Variants in SNX29 observed in about 807,000 individuals in gnomAD.
SNX29 encodes the protein sorting nexin 29, also known as sorting nexin-29.
Under a neutral mutation model 102.1 loss-of-function variants are expected in SNX29, and 78 were observed. That is an observed-to-expected ratio of 0.76 (90% CI 0.64 to 0.92). The LOEUF (loss-of-function observed/expected upper bound fraction) is 0.92, where lower values mean the gene tolerates loss of function less well. SNX29 is among the 40% of genes least tolerant of loss of function. The pLI is 0.00. For missense variants in SNX29, 1,280 were observed against 1,061.7 expected, an observed-to-expected ratio of 1.21 and a Z score of -2.86; for synonymous variants, 580 against 414.5, an observed-to-expected ratio of 1.40 and a Z score of -4.85.
intron 13 of SNX29, among the ~76,000 whole-genome samples, chr16:12,179,875 C>G (rs989916288): frequency 1.7e-5 from 2 of 118,082 alleles, no homozygotes; most frequent in African/African-American, 5.8e-5. Flanking sequence ...TCAAAGTCTT[C>G]TCCTTAGAAG....
intron 18 of SNX29, among the ~76,000 whole-genome samples, chr16:12,462,000 T>C (rs2086813566): frequency 2.9e-5 from 2 of 67,856 alleles, no homozygotes; most frequent in South Asian, 1.2e-3. Context: ...TATATATATA[T>C]ATATATATAT....
intron 13 of SNX29, among the ~76,000 whole-genome samples, chr16:12,130,832 C>CCT (rs2054433691): frequency 6.6e-6 from 1 of 151,648 alleles, no homozygotes; most frequent in African/African-American, 2.4e-5. Flanking sequence ...GTGGGGCTGC[C>CCT]CTCTGCTTTT....
At chr16:12,409,987 G>GT (rs2084330826) in intron 18 of SNX29, among the ~76,000 whole-genome samples, 1 of 151,664 alleles carries the variant, frequency 6.6e-6, no homozygotes, top group Admixed American at 6.6e-5. Context: ...CGTTTTTTTT[G>GT]TTGTTGTTTT....
At chr16:12,289,906 C>T (rs1022027838) in intron 15 of SNX29, among the ~76,000 whole-genome samples, 6 of 152,066 alleles carry the variant, frequency 3.9e-5, no homozygotes, top group Admixed American at 6.5e-5. Flanking sequence ...AGTATACACC[C>T]GGCGAAGGGG....
At chr16:11,989,794 A>T (rs1045610915) in intron 1 of SNX29, among the ~76,000 whole-genome samples, 1 of 152,220 alleles carries the variant, frequency 6.6e-6, no homozygotes, top group East Asian at 1.9e-4. Context: ...CTGCAGGGCC[A>T]TGGGAGCACT....
At chr16:12,388,850 G>A (rs971385845) in intron 16 of SNX29, among the ~76,000 whole-genome samples, 4 of 152,140 alleles carry the variant, frequency 2.6e-5, no homozygotes, top group African/African-American at 9.7e-5. Context: ...TGTTGGTAAG[G>A]GATATTCTAT....
At chr16:12,518,056 C>T (rs980990772) in intron 19 of SNX29, among the ~76,000 whole-genome samples, 12 of 152,146 alleles carry the variant, frequency 7.9e-5, no homozygotes, top group African/African-American at 1.4e-4. Context: ...GCTGCGGCCA[C>T]GCGGCAAGGT....
rs938968459 is a variant in SNX29, at chr16:12,570,336, T to G, written c.*1707T>G. ...TCCTGTAAAGGCAACTTGGTCTCCC[T>G]CCCACTCACCTGCCAACATTGCTGC... On this transcript the variant is annotated 3_prime_UTR_variant, in exon 21 of 21. Coordinates refer to ENST00000566228, the MANE Select transcript of SNX29 (RefSeq NM_032167.5). 2.6e-6 allele frequency: 2 copies of G among 772,234 alleles called. No individual in the cohort carries two copies. Among genetic ancestry groups the G allele is most frequent in the East Asian group, 1.1e-4 (2 of 18,798 alleles). The allele number at this position is 772,234 out of a possible 1,614,324, so 47.8% of individuals were successfully genotyped here. A position where few individuals can be genotyped will look rare whatever the true frequency, so the allele number is the denominator to read the frequency against.
chr16:12,041,746 CAG>C (rs2049888171), intron 4 of SNX29, among the ~76,000 whole-genome samples: 1 of 152,194 alleles, frequency 6.6e-6, no homozygotes, highest in Non-Finnish European at 1.5e-5. Flanking sequence ...GTCAGCCTCG[CAG>C]GGATTATGCA....
At chr16:12,285,376 G>A (rs2079561729) in intron 15 of SNX29, among the ~76,000 whole-genome samples, 1 of 152,176 alleles carries the variant, frequency 6.6e-6, no homozygotes, top group Non-Finnish European at 1.5e-5. Flanking sequence ...GGCTCAGCTA[G>A]CTGATGATTG....
intron 16 of SNX29, among the ~76,000 whole-genome samples, chr16:12,396,011 C>G (rs937198696): frequency 2.0e-5 from 3 of 152,172 alleles, no homozygotes; most frequent in South Asian, 4.1e-4. Context: ...TTCGAAGCAG[C>G]CTCCCTGGTA....
intron 1 of SNX29, among the ~76,000 whole-genome samples, chr16:11,982,690 A>G (rs375209227): frequency 6.6e-6 from 1 of 152,034 alleles, no homozygotes; most frequent in Non-Finnish European, 1.5e-5. Context: ...CGGCCTCCCA[A>G]AGTGCTGGGA....
intron 19 of SNX29, among the ~76,000 whole-genome samples, chr16:12,513,395 C>T (rs998734470): frequency 1.3e-4 from 19 of 151,886 alleles, no homozygotes; most frequent in African/African-American, 4.1e-4. Flanking sequence ...TCTCCCTTCC[C>T]CTCCCCTCTA....
intron 18 of SNX29, among the ~76,000 whole-genome samples, chr16:12,418,201 A>T (rs1051525711): frequency 2.0e-5 from 3 of 152,162 alleles, no homozygotes; most frequent in African/African-American, 7.2e-5. Context: ...TTGGCTGGTG[A>T]TATTTCATAT....
rs528424617 is a variant in SNX29 at position 12,098,199 on chromosome 16, C to T, written c.1402+19284C>T. 1.3e-5 allele frequency among the ~76,000 whole-genome samples: 2 copies of T among 152,302 alleles called. No homozygotes were observed. The highest frequency in any genetic ancestry group is 2.1e-4 in the South Asian group (1 of 4,828). Reference sequence around the variant, plus strand: ...CCCCCTCCTTCAACTCCTTTTCCTCCTCCTCTTCTCCCTCCTGCCCTAGAC... The same window carrying T: ...CCCCCTCCTTCAACTCCTTTTCCTCTTCCTCTTCTCCCTCCTGCCCTAGAC... On this transcript the variant is annotated intron_variant, in intron 11 of 20. Coordinates refer to ENST00000566228, the MANE Select transcript of SNX29 (RefSeq NM_032167.5). The surrounding 1 kb of genome is among the most constrained non-coding windows in gnomAD (Gnocchi z 6.0).
At chr16:12,543,941 A>C (rs560609812) in intron 20 of SNX29, among the ~76,000 whole-genome samples, 1 of 152,302 alleles carries the variant, frequency 6.6e-6, no homozygotes, top group East Asian at 1.9e-4. Context: ...CTCTCGTTCT[A>C]AGCGAGGAGC....
intron 14 of SNX29, among the ~76,000 whole-genome samples, chr16:12,264,517 C>T (rs979254092): frequency 6.6e-6 from 1 of 152,218 alleles, no homozygotes; most frequent in Non-Finnish European, 1.5e-5. Context: ...TGCTGTGGCT[C>T]ACGTTTGTAA....
At chr16:12,069,026 A>T in intron 9 of SNX29, 31 bp from the exon 10 acceptor site, 1 of 1,604,454 alleles carries the variant, frequency 6.2e-7, no homozygotes, top group Non-Finnish European at 8.5e-7. Flanking sequence ...GAGAAAAGTG[A>T]CCTCTTTCTG....
At chr16:12,289,283 GTCT>G (rs771788745) in intron 15 of SNX29, among the ~76,000 whole-genome samples, 1 of 152,332 alleles carries the variant, frequency 6.6e-6, no homozygotes, top group South Asian at 2.1e-4. Context: ...TACTGGCACT[GTCT>G]TCTTCTCAAG....
Sources: allele counts gnomAD v4.1 joint callset (sites outside exome capture counted in the v4.1 genomes callset), GRCh38; gene constraint gnomAD v4.1.1; non-coding constraint Gnocchi (gnomAD v3.1); transcripts MANE v1.5; gene names NCBI Gene and HGNC (gene_info 2026-07-23, HGNC 2026-07-21).